TBX5: variants seen among roughly 807,000 people sequenced by gnomAD.
TBX5 encodes T-box transcription factor 5, also known as T-box transcription factor TBX5.
TBX5 carries 8 observed loss-of-function variants against 51.1 expected under a neutral mutation model. The ratio of observed to expected loss-of-function variants is 0.16; its 90% CI spans 0.09 to 0.28. The LOEUF is 0.28. TBX5 is among the 10% of genes least tolerant of loss of function. The probability of loss-of-function intolerance (pLI) is 1.00; values close to 1 mark genes in which losing one functional copy is unlikely to be tolerated. For synonymous variants in TBX5, 302 were observed against 266.4 expected (o/e 1.13, Z -1.30); for missense variants, 589 against 671.7 (o/e 0.88, Z 1.36).
At position 114,355,480 on chromosome 12, in the gene TBX5, C is replaced by T. The variant is rs1555223191; in HGVS notation, c.*52G>A. 1 of 1,519,872 alleles carries T rather than the reference C, an allele frequency of 6.6e-7. No individual in the cohort carries two copies. The highest frequency in any genetic ancestry group is 2.3e-5 in the East Asian group (1 of 42,766). 94.1% of individuals were successfully genotyped at this position (1,519,872 alleles called of 1,614,324 possible). ...TGTCTCTCTCCTTCTCTCTCTTTCT[C>T]CTCTCTCTCTCTCTTTCTCTAGGAA... On this transcript the variant is annotated 3_prime_UTR_variant, in exon 9 of 9. Transcript: ENST00000405440.
In TBX5 at chr12:114,403,890, G is replaced by A; in HGVS notation, c.9C>T (p.Asp3=). 6.2e-7 allele frequency: 1 copy of A among 1,612,458 alleles called. No homozygotes were observed. Among genetic ancestry groups the A allele is most frequent in the Non-Finnish European group, 8.5e-7 (1 of 1,179,878 alleles). Residue 3 remains aspartate, a synonymous_variant, in exon 2 of 9, where the codon GAC becomes GAT. Transcript: ENST00000405440. MA[D]ADEGFGLAHT... ...GCGCCAGGCCAAAGCCCTCGTCTGC[G>A]TCGGCCATGGTGCGCCCAGGGCCCT... is the stretch of plus-strand genomic sequence containing the variant.
intron 6 of TBX5, among the ~76,000 whole-genome samples, chr12:114,389,526 G>A (rs1188256849): frequency 6.0e-5 from 9 of 150,230 alleles, no homozygotes; most frequent in African/African-American, 2.2e-4. Flanking sequence ...AGGCAGAGGC[G>A]GGCGGATCAC....
Position 114,355,441 on chromosome 12 carries a change from G to A in TBX5, c.*91C>T. On this transcript the variant is annotated 3_prime_UTR_variant, in exon 9 of 9. Coordinates refer to ENST00000405440, the MANE Select transcript of TBX5 (RefSeq NM_181486.4). ...TGAAATGAAAAATCTTGTCCGTGGG[G>A]TTCTCTTGGCTACTGTCTCTCTCCT... is the stretch of plus-strand genomic sequence containing the variant. 2.7e-6 allele frequency: 4 copies of A among 1,495,644 alleles called. No individual in the cohort carries two copies. The highest frequency in any genetic ancestry group is 3.7e-6 in the Non-Finnish European group (4 of 1,092,386). 92.6% of individuals were successfully genotyped at this position (1,495,644 alleles called of 1,614,324 possible).
At chr12:114,364,652 T>C (rs1286675374) in intron 8 of TBX5, among the ~76,000 whole-genome samples, 1 of 152,194 alleles carries the variant, frequency 6.6e-6, no homozygotes, top group African/African-American at 2.4e-5. Flanking sequence ...GGAAGACTGA[T>C]TAAATTAATG....
rs1413326928 is a variant in TBX5 at position 114,366,213 on chromosome 12, G to T, written c.934C>A (p.Pro312Thr). 1 of 1,614,092 alleles carries T rather than the reference G, an allele frequency of 6.2e-7. No individual in the cohort carries two copies. Among genetic ancestry groups the T allele is most frequent in the South Asian group, 1.1e-5 (1 of 91,082 alleles). ...ATTTGGCTATGCTCCTGGGGCAGTGGGTATGGGTTGGGTGGAGGCAGGAGG... is the reference window on the plus strand; with the variant it reads ...ATTTGGCTATGCTCCTGGGGCAGTGTGTATGGGTTGGGTGGAGGCAGGAGG... ...QDLLPPPNPY[P>T]LPQEHSQIYH... Residue 312 changes from proline (P) to threonine (T), a missense_variant, in exon 8 of 9, where the codon CCA becomes ACA. By Grantham distance (38) the Pro-to-Thr change is conservative. Coordinates refer to ENST00000405440, the MANE Select transcript of TBX5 (RefSeq NM_181486.4).
intron 2 of TBX5, among the ~76,000 whole-genome samples, chr12:114,402,473 A>G (rs932863092): frequency 1.3e-5 from 2 of 152,222 alleles, no homozygotes; most frequent in Non-Finnish European, 2.9e-5. Context: ...GACCATGGTG[A>G]GTGCAAACCT....
At chr12:114,404,227 G>A (rs1184151135) in intron 1 of TBX5, among the ~76,000 whole-genome samples, 2 of 152,126 alleles carry the variant, frequency 1.3e-5, no homozygotes, top group Non-Finnish European at 2.9e-5. Flanking sequence ...CAGGCTCTCC[G>A]TGATAAGCAA....
chr12:114,363,216 CT>C (rs1434300059), intron 8 of TBX5, among the ~76,000 whole-genome samples: 1 of 152,154 alleles, frequency 6.6e-6, no homozygotes. Flanking sequence ...CAACTTGCCC[CT>C]GGGCACACAG....
intron 7 of TBX5, among the ~76,000 whole-genome samples, chr12:114,375,255 G>A (rs1870127083): frequency 6.6e-6 from 1 of 152,096 alleles, no homozygotes; most frequent in African/African-American, 2.4e-5. Flanking sequence ...TGTGACCAGG[G>A]GACACCTCCA....
At chr12:114,366,786 ACCTGTGGGTGT>A (rs1869564088) in intron 7 of TBX5, among the ~76,000 whole-genome samples, 1 of 152,190 alleles carries the variant, frequency 6.6e-6, no homozygotes, top group East Asian at 1.9e-4. Context: ...TTTAGACTTA[ACCTGTGGGTGT>A]CCATCTTTAA....
chr12:114,379,262 G>A (rs899357608), intron 7 of TBX5, among the ~76,000 whole-genome samples: 7 of 152,254 alleles, frequency 4.6e-5, no homozygotes, highest in Admixed American at 3.3e-4. Flanking sequence ...TGCACACAAC[G>A]GCGACCAGCA....
intron 8 of TBX5, among the ~76,000 whole-genome samples, chr12:114,356,852 G>A (rs540167943): frequency 2.6e-5 from 4 of 152,156 alleles, no homozygotes; most frequent in Admixed American, 1.3e-4. Context: ...AAGGACTCAC[G>A]GAGGTTAAGA....
intron 7 of TBX5, among the ~76,000 whole-genome samples, chr12:114,370,953 T>TC (rs1869868534): frequency 6.6e-6 from 1 of 151,942 alleles, no homozygotes; most frequent in African/African-American, 2.4e-5. Flanking sequence ...TCCTTCCAAG[T>TC]CCCTATATCA....
chr12:114,404,147 A>G lies in TBX5; in HGVS notation c.-38-211T>C, dbSNP rs111555728. Reference sequence around the variant, plus strand: ...CCTAGTAGTATTACTATTACTTTATAAGCAGGCACAACTTCTTGCAAAAGA... The same window carrying G: ...CCTAGTAGTATTACTATTACTTTATGAGCAGGCACAACTTCTTGCAAAAGA... On this transcript the variant is annotated intron_variant, in intron 1 of 8. Coordinates refer to ENST00000405440, the MANE Select transcript of TBX5 (RefSeq NM_181486.4). Among the ~76,000 whole-genome samples the G allele has an allele frequency of 0.015, 2,230 of 152,268 alleles. 44 individuals carry two copies. The highest frequency in any genetic ancestry group is 0.051 in the African/African-American group (2,125 of 41,540).
chr12:114,358,039 G>T (rs1328743660), intron 8 of TBX5, among the ~76,000 whole-genome samples: 1 of 152,140 alleles, frequency 6.6e-6, no homozygotes, highest in South Asian at 2.1e-4. Context: ...GTCTCATAAA[G>T]GCAGAAACTA....
chr12:114,355,413 G>A lies in TBX5; in HGVS notation c.*119C>T, dbSNP rs1330167264. On this transcript the variant is annotated 3_prime_UTR_variant, in exon 9 of 9. Coordinates refer to ENST00000405440, the MANE Select transcript of TBX5 (RefSeq NM_181486.4). The stretch of plus-strand genomic sequence containing the variant: ...GACCTTGAGTGCAGATGTGAACATT[G>A]GGTGAAATGAAAAATCTTGTCCGTG... 7.0e-6 allele frequency: 9 copies of A among 1,281,222 alleles called. No homozygotes were observed. The highest frequency in any genetic ancestry group is 5.0e-5 in the East Asian group (2 of 39,930). 79.4% of individuals were successfully genotyped at this position (1,281,222 alleles called of 1,614,324 possible).
chr12:114,365,139 G>A (rs1044532836), intron 8 of TBX5, among the ~76,000 whole-genome samples: 2 of 151,252 alleles, frequency 1.3e-5, no homozygotes, highest in African/African-American at 4.9e-5. Context: ...AGATTTAAAT[G>A]GGGGATGAGA....
At chr12:114,407,739 G>C, upstream of TBX5, 1 of 983,674 alleles carries the variant, frequency 1.0e-6, no homozygotes, top group Non-Finnish European at 1.2e-6. Flanking sequence ...AGACTAAGAC[G>C]GGGTGAAAAG....
At chr12:114,379,126 C>T (rs531666295) in intron 7 of TBX5, among the ~76,000 whole-genome samples, 8 of 152,216 alleles carry the variant, frequency 5.3e-5, no homozygotes, top group East Asian at 3.9e-4. Flanking sequence ...ACCTGCCTTC[C>T]GTTACCGGTA....
Sources: allele counts gnomAD v4.1 joint callset (sites outside exome capture counted in the v4.1 genomes callset), GRCh38; gene constraint gnomAD v4.1.1; transcripts MANE v1.5; gene names NCBI Gene and HGNC (gene_info 2026-07-23, HGNC 2026-07-21).